Variants in MYH4 observed in about 807,000 individuals in gnomAD.
The protein encoded by MYH4 is myosin heavy chain 4, also known as myosin-4.
A neutral mutation model predicts 229.9 loss-of-function variants in MYH4; 200 were observed. That is an observed-to-expected ratio of 0.87 (90% CI 0.78 to 0.98). The LOEUF is 0.98. MYH4 is among the 50% of genes least tolerant of loss of function. The pLI is 0.00. For synonymous variants in MYH4, 761 were observed against 834.6 expected (o/e 0.91, Z 1.52); for missense variants, 2,148 against 2,332.6 (o/e 0.92, Z 1.63).
chr17:10,448,880 T>C lies in MYH4; in HGVS notation c.4349A>G (p.Gln1450Arg). 6.2e-7 allele frequency: 1 copy of C among 1,614,084 alleles called. No individual in the cohort carries two copies. Among genetic ancestry groups the C allele is most frequent in the Non-Finnish European group, 8.5e-7 (1 of 1,180,000 alleles). Reference protein sequence around the residue: ...NAACIALDKKQRNFDKVLAEW... With the variant: ...NAACIALDKKRRNFDKVLAEW... ...GTGGACCACCTTGTCAAAGTTTCTT[T>C]GCTTCTTATCGAGAGCTATGCAGGC... Residue 1450 changes from glutamine (Q) to arginine (R), a missense_variant, in exon 31 of 40, where the codon CAA (glutamine) becomes CGA (arginine). Gln to Arg is a conservative substitution (Grantham distance 43, BLOSUM62 1). Transcript: ENST00000255381.
rs181349039 is a variant in MYH4, at chr17:10,444,275, G to A, written c.5667+329C>T. ...TGGATTTATCATGAAGTTAAATGAA[G>A]CTTAGAATTCATACTCTCATTTGCA... is the stretch of plus-strand genomic sequence containing the variant. On this transcript the variant is annotated intron_variant, in intron 39 of 39. Coordinates refer to ENST00000255381, the MANE Select transcript of MYH4 (RefSeq NM_017533.2). Among the ~76,000 whole-genome samples the A allele has an allele frequency of 1.1e-3, 163 of 152,222 alleles. 3 individuals carry two copies. Among genetic ancestry groups the A allele is most frequent in the African/African-American group, 3.9e-3 (161 of 41,540 alleles).
rs191995695 is a variant in MYH4 at position 10,458,923 on chromosome 17, A to G, written c.1587+328T>C. 2.5e-3 allele frequency among the ~76,000 whole-genome samples: 386 copies of G among 152,348 alleles called. 2 individuals are homozygous for G. The highest frequency in any genetic ancestry group is 0.011 in the South Asian group (52 of 4,820). On this transcript the variant is annotated intron_variant, in intron 15 of 39. Coordinates refer to ENST00000255381, the MANE Select transcript of MYH4 (RefSeq NM_017533.2). ...CACAATACACTGTCATGGGTACACCAGGGTTAATTACACAACCCAGAGGAA... is the reference window on the plus strand; with the variant it reads ...CACAATACACTGTCATGGGTACACCGGGGTTAATTACACAACCCAGAGGAA...
At position 10,451,453 on chromosome 17, in the gene MYH4, C is replaced by T. The variant is rs758337292; in HGVS notation, c.3739-1G>A. 2 of 1,612,820 alleles carry T rather than the reference C, an allele frequency of 1.2e-6. No homozygotes were observed. The highest frequency in any genetic ancestry group is 1.1e-5 in the South Asian group (1 of 90,846). On this transcript the variant is annotated splice_acceptor_variant, in intron 27 of 39. Transcript: ENST00000255381. LOFTEE classifies it high-confidence loss of function. Reference sequence around the variant, plus strand: ...TGCGGCACATTTTCTCAAAGTTTGCCTGGGGTGAGAGGTAGAAAACAGGAA... The same window carrying T: ...TGCGGCACATTTTCTCAAAGTTTGCTTGGGGTGAGAGGTAGAAAACAGGAA...
At position 10,465,540 on chromosome 17, in the gene MYH4, T is replaced by C. The variant is rs748169031; in HGVS notation, c.407A>G (p.Asn136Ser). ...TCGGTAGGCTGTCACCACCTCAGGG[T>C]TGTACACCGGCAGCCACTTGTAGGG... ...VNPYKWLPVY[N>S]PEVVTAYRGK... Residue 136 changes from asparagine (N) to serine (S), a missense_variant, in exon 5 of 40, where the codon AAC becomes AGC. Coordinates refer to ENST00000255381, the MANE Select transcript of MYH4 (RefSeq NM_017533.2). 1 of 1,614,134 alleles carries C rather than the reference T, an allele frequency of 6.2e-7. No individual in the cohort carries two copies. Among genetic ancestry groups the C allele is most frequent in the Non-Finnish European group, 8.5e-7 (1 of 1,180,026 alleles).
chr17:10,455,104 T>C (rs1268621082), intron 20 of MYH4, 27 bp from the exon 21 acceptor site: 2 of 1,614,112 alleles, frequency 1.2e-6, no homozygotes, highest in Non-Finnish European at 8.5e-7. Flanking sequence ...TTAAATATGT[T>C]ATTTCCACTT....
At chr17:10,458,910 T>C (rs1597421334) in intron 15 of MYH4, among the ~76,000 whole-genome samples, 1 of 152,218 alleles carries the variant, frequency 6.6e-6, no homozygotes, top group Non-Finnish European at 1.5e-5. Context: ...CAATACACTG[T>C]CATGGGTACA....
intron 27 of MYH4, 90 bp downstream of exon 27, chr17:10,451,851 T>C: frequency 6.8e-7 from 1 of 1,470,270 alleles, no homozygotes; most frequent in Admixed American, 2.2e-5. Context: ...ATCTAATGTT[T>C]GTGTAATTTG....
chr17:10,447,769 A>G (rs747296353), intron 34 of MYH4, 49 bp downstream of exon 34: 1 of 1,495,108 alleles, frequency 6.7e-7, no homozygotes, highest in Non-Finnish European at 9.0e-7. Flanking sequence ...TTTGAGTTAC[A>G]CAGTAGCACT....
intron 4 of MYH4, 89 bp downstream of exon 4, chr17:10,466,184 A>T: frequency 6.8e-7 from 1 of 1,466,654 alleles, no homozygotes; most frequent in Non-Finnish European, 9.3e-7. Context: ...ACAGTTCAAT[A>T]GCCAAATGTA....
Position 10,448,753 on chromosome 17 carries a change from C to T in MYH4, c.4396G>A (p.Glu1466Lys). 1.2e-6 allele frequency: 2 copies of T among 1,614,026 alleles called. No individual in the cohort carries two copies. The highest frequency in any genetic ancestry group is 2.2e-5 in the East Asian group (1 of 44,876). Residue 1466 changes from glutamate (E) to lysine (K), a missense_variant, in exon 32 of 40, where the codon GAA becomes AAA. Glu to Lys is a moderately conservative substitution (Grantham distance 56). Transcript: ENST00000255381. ...GAGGCCTCAAGTTCAGCCTGAGTTT[C>T]CTCATACTTCTGTTTCCATTCTGCC... ...VLAEWKQKYEETQAELEASQK... is the reference protein window; with the variant it reads ...VLAEWKQKYEKTQAELEASQK...
intron 2 of MYH4, among the ~76,000 whole-genome samples, chr17:10,468,939 T>A (rs750377064): frequency 6.6e-6 from 1 of 152,222 alleles, no homozygotes; most frequent in Non-Finnish European, 1.5e-5. Context: ...AAAGCCTGGA[T>A]TGGCACCTAG....
intron 28 of MYH4, among the ~76,000 whole-genome samples, 168 bp downstream of exon 28, chr17:10,451,158 G>T (rs1181242830): frequency 6.6e-6 from 1 of 152,168 alleles, no homozygotes; most frequent in Middle Eastern, 3.4e-3. Context: ...CCCAATTGTC[G>T]CTTAGAATCA....
In MYH4 at chr17:10,452,243, C is replaced by T; in HGVS notation, c.3436G>A (p.Glu1146Lys). ...AEKQRSDLSR[E>K]LEEISERLEE... ...AGCCTCTCACTGATCTCCTCCAGCT[C>T]CCGGGAGAGGTCAGAGCGCTGCTTC... Residue 1146 changes from glutamate to lysine, a missense_variant, in exon 27 of 40, where the codon GAG becomes AAG. Physicochemically the swap from Glu to Lys is moderately conservative, Grantham distance 56 (BLOSUM62 1). Transcript: ENST00000255381. 6.2e-7 allele frequency: 1 copy of T among 1,613,976 alleles called. No homozygotes were observed. Among genetic ancestry groups the T allele is most frequent in the Non-Finnish European group, 8.5e-7 (1 of 1,180,016 alleles).
chr17:10,463,582 T>C lies in MYH4; in HGVS notation c.710A>G (p.Lys237Arg), dbSNP rs1397605994. 2.5e-6 allele frequency: 4 copies of C among 1,613,872 alleles called. No homozygotes were observed. In the South Asian group the frequency reaches 4.4e-5, roughly 18 times the overall value. ...NPLLEAFGNA[K>R]TVRNDNSSRF... ...AGAGGAGTTGTCATTCCTCACGGTC[T>C]TGGCATTGCCGAAGGCTTCCAGTAG... Residue 237 changes from lysine to arginine, a missense_variant, in exon 8 of 40, where the codon AAG (lysine) becomes AGG (arginine). Physicochemically the swap from Lys to Arg is conservative, Grantham distance 26. Coordinates refer to ENST00000255381, the MANE Select transcript of MYH4 (RefSeq NM_017533.2).
chr17:10,451,708 C>A (rs1287618084), intron 27 of MYH4, among the ~76,000 whole-genome samples: 1 of 151,966 alleles, frequency 6.6e-6, no homozygotes, highest in Non-Finnish European at 1.5e-5. Flanking sequence ...TTTAGATAAA[C>A]CTTTTTTGTA....
rs550607214 is a variant in MYH4 at position 10,448,488 on chromosome 17, C to T, written c.4564G>A (p.Glu1522Lys). The change falls in exon 33 of 40, where the codon GAG becomes AAG. Residue 1522 changes from glutamate to lysine, a missense_variant. Physicochemically the swap from Glu to Lys is moderately conservative, Grantham distance 56 (BLOSUM62 1). Transcript: ENST00000255381. The stretch of plus-strand genomic sequence containing the variant: ...AGTTCATGGATATGCTTTCCACCCT[C>T]TGCAATTTGCTCTGTCAGGTCAGAA... ...EISDLTEQIA[E>K]GGKHIHELEK... The T allele has an allele frequency of 1.9e-6, 3 of 1,613,996 alleles. No individual in the cohort carries two copies. The South Asian group carries it at 3.3e-5, about 18-fold the overall frequency.
In MYH4 at chr17:10,447,235, A is replaced by G. The variant is rs1213274790; in HGVS notation, c.4966-19T>C. ...GAGTGTCCTACACAGAAAGAGAAAA[A>G]GCCTCTTACTCATGCTGCACTTAAA... On this transcript the variant is annotated intron_variant, in intron 34 of 39. Transcript: ENST00000255381. 1 of 1,608,092 alleles carries G rather than the reference A, an allele frequency of 6.2e-7. No individual in the cohort carries two copies. Among genetic ancestry groups the G allele is most frequent in the Admixed American group, 1.7e-5 (1 of 59,840 alleles).
chr17:10,454,436 G>T, intron 22 of MYH4, 119 bp downstream of exon 22: 1 of 1,324,592 alleles, frequency 7.5e-7, no homozygotes, highest in Non-Finnish European at 1.0e-6. Context: ...GCTTCTTTAT[G>T]CCCGAGTCTT....
In MYH4 at chr17:10,459,335, C is replaced by T; in HGVS notation, c.1503G>A (p.Gln501=). Residue 501 remains glutamine, a synonymous_variant, in exon 15 of 40, where the codon CAG becomes CAA. Transcript: ENST00000255381. The part of the protein sequence containing the change: ...FFNHHMFVLE[Q]EEYKKEGIEW... ...CGATGCCTTCCTTCTTGTACTCTTC[C>T]TGCTCCAGCACGAACATGTGGTGGT... 6.2e-7 allele frequency: 1 copy of T among 1,614,118 alleles called. No homozygotes were observed. Among genetic ancestry groups the T allele is most frequent in the Non-Finnish European group, 8.5e-7 (1 of 1,180,022 alleles).
Sources: gnomAD v4.1 joint callset for allele counts (sites outside exome capture counted in the v4.1 genomes callset) on GRCh38, gnomAD v4.1.1 for gene constraint, MANE v1.5 for transcripts, NCBI Gene and HGNC (gene_info 2026-07-23, HGNC 2026-07-21) for gene names.